The following NPAS2 variants were observed in gnomAD, a reference collection of about 807,000 sequenced individuals.
The protein encoded by NPAS2 is neuronal PAS domain protein 2, also known as neuronal PAS domain-containing protein 2.
Under a neutral mutation model 107.5 loss-of-function variants are expected in NPAS2, and 23 were observed. The observed-to-expected ratio is 0.21, with a 90% CI of 0.15 to 0.30. The LOEUF is 0.30. Ranked by LOEUF, NPAS2 falls within the 10% of genes least tolerant of loss-of-function variation. NPAS2 has a pLI of 1.00. For missense variants in NPAS2, 756 were observed against 1,043.3 expected (o/e 0.72, Z 3.79); for synonymous variants, 403 against 417.5 (o/e 0.97, Z 0.42).
intron 3 of NPAS2, among the ~76,000 whole-genome samples, chr2:100,932,570 T>C (rs543249341): frequency 3.3e-5 from 5 of 152,362 alleles, no homozygotes; most frequent in African/African-American, 1.2e-4. Context: ...CCAGTGTTTG[T>C]TCCTATTGCC....
At chr2:100,921,983 G>A (rs549255949) in intron 2 of NPAS2, among the ~76,000 whole-genome samples, 41 of 152,172 alleles carry the variant, frequency 2.7e-4, no homozygotes, top group Non-Finnish European at 5.1e-4. Context: ...AAGGAATGGG[G>A]TGTTAATATG....
intron 7 of NPAS2, among the ~76,000 whole-genome samples, chr2:100,952,370 G>A (rs1459237464): frequency 1.3e-5 from 2 of 151,844 alleles, no homozygotes; most frequent in Non-Finnish European, 2.9e-5. Context: ...TTTGAGACCA[G>A]CCTGACCAAC....
At chr2:100,921,434 C>T (rs1001242097) in intron 2 of NPAS2, among the ~76,000 whole-genome samples, 13 of 152,282 alleles carry the variant, frequency 8.5e-5, no homozygotes, top group South Asian at 4.1e-4. Flanking sequence ...CGATGATGGA[C>T]GCTTCAGAAC....
At chr2:100,925,049 C>T (rs1031423412) in intron 2 of NPAS2, 97 bp from the exon 3 acceptor site, 199 of 1,261,294 alleles carry the variant, frequency 1.6e-4, no homozygotes, top group South Asian at 6.7e-4. Context: ...GATAGATGAT[C>T]ACAATAGAAT....
rs1202571865 is a variant in NPAS2, at chr2:100,965,149, T to C, written c.800+206T>C. Among the ~76,000 whole-genome samples, 1 of 152,232 alleles carries C rather than the reference T, an allele frequency of 6.6e-6. No individual in the cohort carries two copies. Among genetic ancestry groups the C allele is most frequent in the African/African-American group, 2.4e-5 (1 of 41,472 alleles). On this transcript the variant is annotated intron_variant, in intron 9 of 20. Coordinates refer to ENST00000335681, the MANE Select transcript of NPAS2 (RefSeq NM_002518.4). This position sits in a 1 kb window ranked among gnomAD's most constrained non-coding sequence, Gnocchi z 4.3. ...CGTGAATATGTTCTGTGTTTGGGTC[T>C]GATGGCTCAGCCCCGGGCCATCTTT...
At chr2:100,924,005 C>A (rs999291915) in intron 2 of NPAS2, among the ~76,000 whole-genome samples, 8 of 152,104 alleles carry the variant, frequency 5.3e-5, no homozygotes, top group Non-Finnish European at 1.0e-4. Flanking sequence ...GGGGGAGGCC[C>A]CTCCTCTCTA....
chr2:100,840,931 G>C (rs1023156036), intron 1 of NPAS2, among the ~76,000 whole-genome samples: 1 of 152,126 alleles, frequency 6.6e-6, no homozygotes, highest in Non-Finnish European at 1.5e-5. Context: ...TCAGGCAGCT[G>C]GGGTTTGCAT....
At position 100,991,734 on chromosome 2, in the gene NPAS2, G is replaced by A. The variant is rs1030586679; in HGVS notation, c.2111+862G>A. Among the ~76,000 whole-genome samples the A allele has an allele frequency of 9.2e-5, 14 of 151,982 alleles. 1 individual carries two copies. The highest frequency in any genetic ancestry group is 6.5e-4 in the Admixed American group (10 of 15,268). Reference sequence around the variant, plus strand: ...AACCCTAGGGTGTAGGCACATGCTCGGTCTTTTTTTGTTTGTTTGTTTGTT... The same window carrying A: ...AACCCTAGGGTGTAGGCACATGCTCAGTCTTTTTTTGTTTGTTTGTTTGTT... On this transcript the variant is annotated intron_variant, in intron 19 of 20. Transcript: ENST00000335681.
chr2:100,884,650 G>A (rs1680582132), intron 1 of NPAS2, among the ~76,000 whole-genome samples: 1 of 152,142 alleles, frequency 6.6e-6, no homozygotes, highest in Non-Finnish European at 1.5e-5. Flanking sequence ...TGCAAGCTTG[G>A]GGTCAGAGAT....
chr2:100,837,565 G>C (rs1190860562), intron 1 of NPAS2, among the ~76,000 whole-genome samples: 1 of 152,068 alleles, frequency 6.6e-6, no homozygotes, highest in African/African-American at 2.4e-5. Context: ...CACCCGCCTT[G>C]GCCTCCCAAA....
At chr2:100,824,444 G>A (rs748332907) in intron 1 of NPAS2, among the ~76,000 whole-genome samples, 2 of 152,194 alleles carry the variant, frequency 1.3e-5, no homozygotes, top group South Asian at 2.1e-4. Context: ...GCAATCAAGC[G>A]CTCTTTAAAA....
chr2:100,904,401 C>T (rs1212415414), intron 1 of NPAS2, among the ~76,000 whole-genome samples: 1 of 152,224 alleles, frequency 6.6e-6, no homozygotes, highest in Non-Finnish European at 1.5e-5. Context: ...GTTATTTGCT[C>T]CTTTTAAAAG....
At chr2:100,986,384 C>G (rs1452246133) in intron 16 of NPAS2, 1 of 152,266 alleles carries the variant, frequency 6.6e-6, no homozygotes, top group Non-Finnish European at 1.5e-5. Context: ...CCTGCCTCTC[C>G]AAACCTGCGC....
At position 100,968,362 on chromosome 2, in the gene NPAS2, A is replaced by G; in HGVS notation, c.989A>G (p.Tyr330Cys). 6.2e-7 allele frequency: 1 copy of G among 1,613,974 alleles called. No homozygotes were observed. The highest frequency in any genetic ancestry group is 8.5e-7 in the Non-Finnish European group (1 of 1,179,916). Reference protein sequence around the residue: ...GQQWIWLQTHYYITYHQWNSK... With the variant: ...GQQWIWLQTHCYITYHQWNSK... Reference sequence around the variant, plus strand: ...CAGTGGATCTGGCTGCAGACTCACTACTACATCACCTACCATCAGTGGAAC... The same window carrying G: ...CAGTGGATCTGGCTGCAGACTCACTGCTACATCACCTACCATCAGTGGAAC... The change falls in exon 11 of 21, where the codon TAC becomes TGC. Residue 330 changes from tyrosine (Y) to cysteine (C), a missense_variant. Coordinates refer to ENST00000335681, the MANE Select transcript of NPAS2 (RefSeq NM_002518.4). This position sits in a 1 kb window ranked among gnomAD's most constrained non-coding sequence, Gnocchi z 5.3.
chr2:100,873,531 A>G (rs187113193), intron 1 of NPAS2, among the ~76,000 whole-genome samples: 77 of 151,842 alleles, frequency 5.1e-4, no homozygotes, highest in Admixed American at 1.3e-3. Flanking sequence ...TTCACAGTTA[A>G]TGGAAATATG....
At chr2:100,891,133 G>A (rs1681032683) in intron 1 of NPAS2, among the ~76,000 whole-genome samples, 1 of 151,992 alleles carries the variant, frequency 6.6e-6, no homozygotes, top group Non-Finnish European at 1.5e-5. Flanking sequence ...TCGGGAGGCT[G>A]AGGCAGGAGA....
intron 1 of NPAS2, among the ~76,000 whole-genome samples, chr2:100,869,529 T>C (rs1679439962): frequency 6.6e-6 from 1 of 152,206 alleles, no homozygotes. Context: ...AACCACGCAG[T>C]GGGAATTTGG....
At position 100,876,817 on chromosome 2, in the gene NPAS2, G is replaced by A. The variant is rs372673121; in HGVS notation, c.-22-27916G>A. 3.3e-5 allele frequency among the ~76,000 whole-genome samples: 5 copies of A among 152,188 alleles called. No homozygotes were observed. The East Asian group carries it at 7.7e-4, about 23-fold the overall frequency. ...CTAGGGAAGGCAGAGAGCACTCCCC[G>A]ACTCTTAACAAAGACATGTGGAGGT... On this transcript the variant is annotated intron_variant, in intron 1 of 20. Coordinates refer to ENST00000335681, the MANE Select transcript of NPAS2 (RefSeq NM_002518.4).
intron 15 of NPAS2, among the ~76,000 whole-genome samples, chr2:100,979,052 C>G (rs953442337): frequency 1.3e-5 from 2 of 152,206 alleles, no homozygotes; most frequent in Non-Finnish European, 2.9e-5. Flanking sequence ...TGGCACACAT[C>G]TGTCACCACT....
Sources: allele counts gnomAD v4.1 joint callset (sites outside exome capture counted in the v4.1 genomes callset), GRCh38; gene constraint gnomAD v4.1.1; non-coding constraint Gnocchi (gnomAD v3.1); transcripts MANE v1.5; gene names NCBI Gene and HGNC (gene_info 2026-07-23, HGNC 2026-07-21).